Variants in SLC22A3 observed in about 807,000 individuals in gnomAD.
SLC22A3 encodes EMT organic cation transporter 3.
In SLC22A3, 51 loss-of-function variants were observed where a neutral mutation model predicts 59.1. That is an observed-to-expected ratio of 0.86 (90% CI 0.69 to 1.09). The LOEUF (loss-of-function observed/expected upper bound fraction) is 1.09, where lower values mean the gene tolerates loss of function less well. Ranked by LOEUF, SLC22A3 falls within the 50% of genes least tolerant of loss-of-function variation. The probability of loss-of-function intolerance (pLI) is 0.00; values close to 1 mark genes in which losing one functional copy is unlikely to be tolerated. For missense variants in SLC22A3, 711 were observed against 726.3 expected, an observed-to-expected ratio of 0.98 and a Z score of 0.24; for synonymous variants, 325 against 292.0, an observed-to-expected ratio of 1.11 and a Z score of -1.15.
intron 5 of SLC22A3, among the ~76,000 whole-genome samples, chr6:160,422,726 C>A (rs1165377895): frequency 6.6e-6 from 1 of 152,018 alleles, no homozygotes; most frequent in Non-Finnish European, 1.5e-5. Flanking sequence ...GTCCTTTTAT[C>A]CTTTGCGGGA....
intron 1 of SLC22A3, among the ~76,000 whole-genome samples, chr6:160,389,305 C>A (rs749529916): frequency 6.6e-6 from 1 of 152,032 alleles, no homozygotes; most frequent in Non-Finnish European, 1.5e-5. Flanking sequence ...ACTGACTGAT[C>A]CAATCAATGA....
At chr6:160,399,282 T>C (rs894682699) in intron 2 of SLC22A3, among the ~76,000 whole-genome samples, 4 of 152,200 alleles carry the variant, frequency 2.6e-5, no homozygotes, top group African/African-American at 9.6e-5. Context: ...TCATCTTTCC[T>C]TTCCTAATTT....
rs1785001285 is a variant in SLC22A3, at chr6:160,361,157, T to C, written c.429+12309T>C. ...GCCTCATAACTCCATGGGGAGAGGA[T>C]GGATTGTTGGCTAACTGATGTTGAG... On this transcript the variant is annotated intron_variant, in intron 1 of 10. Transcript: ENST00000275300. 3.9e-5 allele frequency among the ~76,000 whole-genome samples: 6 copies of C among 152,166 alleles called. No individual in the cohort carries two copies. In the South Asian group the frequency reaches 1.2e-3, roughly 32 times the overall value.
At chr6:160,374,925 G>A (rs553845935) in intron 1 of SLC22A3, among the ~76,000 whole-genome samples, 28 of 152,360 alleles carry the variant, frequency 1.8e-4, no homozygotes, top group East Asian at 3.9e-4. Context: ...CAGTGCCAGA[G>A]GCTGGGGTAT....
chr6:160,408,705 G>T, intron 3 of SLC22A3, 48 bp from the exon 4 acceptor site: 1 of 1,580,564 alleles, frequency 6.3e-7, no homozygotes, highest in East Asian at 2.2e-5. Context: ...TGTTTATTTT[G>T]GAGCTGACCT....
intron 5 of SLC22A3, among the ~76,000 whole-genome samples, chr6:160,429,998 A>T (rs1276224432): frequency 6.6e-6 from 1 of 152,144 alleles, no homozygotes; most frequent in African/African-American, 2.4e-5. Flanking sequence ...CTCAAATGTT[A>T]TAAAACATAA....
chr6:160,399,979 T>C (rs1253102510), intron 2 of SLC22A3, among the ~76,000 whole-genome samples: 1 of 151,434 alleles, frequency 6.6e-6, no homozygotes, highest in African/African-American at 2.4e-5. Flanking sequence ...CCAGGGTAGA[T>C]AAACATGAAC....
chr6:160,413,898 T>C (rs1175469777), intron 5 of SLC22A3, among the ~76,000 whole-genome samples: 1 of 152,188 alleles, frequency 6.6e-6, no homozygotes, highest in African/African-American at 2.4e-5. Flanking sequence ...GGATTATGAA[T>C]TGTTGATCTC....
intron 1 of SLC22A3, among the ~76,000 whole-genome samples, chr6:160,352,087 C>T (rs1013183941): frequency 6.6e-6 from 1 of 152,242 alleles, no homozygotes; most frequent in Non-Finnish European, 1.5e-5. Context: ...GTCAGCCAGA[C>T]TGGCAGATGG....
intron 1 of SLC22A3, among the ~76,000 whole-genome samples, chr6:160,365,840 G>A (rs913854385): frequency 1.3e-5 from 2 of 152,096 alleles, no homozygotes; most frequent in Admixed American, 6.5e-5. Context: ...TTACGATCAC[G>A]GTGGAAGGGG....
intron 1 of SLC22A3, 138 bp from the exon 2 acceptor site, chr6:160,397,841 A>T (rs977437702): frequency 1.4e-6 from 1 of 717,704 alleles, no homozygotes; most frequent in East Asian, 2.7e-5. Context: ...AAACATACGT[A>T]TGTGATACAT....
rs377259034 is a variant in SLC22A3, at chr6:160,408,740, T to C, written c.689-13T>C. 59 of 1,613,260 alleles carry C rather than the reference T, an allele frequency of 3.7e-5. No individual in the cohort carries two copies. Among genetic ancestry groups the C allele is most frequent in the Non-Finnish European group, 4.9e-5 (58 of 1,179,528 alleles). The stretch of plus-strand genomic sequence containing the variant: ...TTGTGCTTCTGTGACCTCTTGTGTT[T>C]GTTTTCCTTTAGTGACAGAAATAGT... On this transcript the variant is annotated splice_polypyrimidine_tract_variant and intron_variant, in intron 3 of 10. Coordinates refer to ENST00000275300, the MANE Select transcript of SLC22A3 (RefSeq NM_021977.4).
chr6:160,408,673 G>C (rs1787118387), intron 3 of SLC22A3, 80 bp from the exon 4 acceptor site: 1 of 1,341,232 alleles, frequency 7.5e-7, no homozygotes, highest in Non-Finnish European at 1.1e-6. Context: ...GATGTAACAG[G>C]TGTAACATCT....
chr6:160,388,592 G>A (rs12660365), intron 1 of SLC22A3, among the ~76,000 whole-genome samples: 26,744 of 151,986 alleles, frequency 0.18, 2,535 homozygotes, highest in Admixed American at 0.28. Context: ...TACTTTAATT[G>A]CTTATTTTAT....
At chr6:160,374,152 A>G (rs1297967320) in intron 1 of SLC22A3, among the ~76,000 whole-genome samples, 5 of 152,212 alleles carry the variant, frequency 3.3e-5, no homozygotes, top group African/African-American at 1.2e-4. Context: ...ACCCGAGGGA[A>G]TCTCCTGATC....
chr6:160,436,186 G>C (rs962466193), intron 5 of SLC22A3, among the ~76,000 whole-genome samples: 5 of 152,142 alleles, frequency 3.3e-5, no homozygotes, highest in Non-Finnish European at 7.3e-5. Context: ...TGGGGATTGG[G>C]GGGTGTCCTC....
At chr6:160,395,826 G>A (rs1319692899) in intron 1 of SLC22A3, among the ~76,000 whole-genome samples, 1 of 152,170 alleles carries the variant, frequency 6.6e-6, no homozygotes, top group African/African-American at 2.4e-5. Context: ...GTAAAACCAA[G>A]GCAAGAAGTT....
intron 1 of SLC22A3, among the ~76,000 whole-genome samples, chr6:160,355,133 A>C (rs1246804407): frequency 6.6e-6 from 1 of 152,234 alleles, no homozygotes; most frequent in Non-Finnish European, 1.5e-5. Flanking sequence ...ATTGTGTTAC[A>C]CAACTGAGGC....
intron 1 of SLC22A3, among the ~76,000 whole-genome samples, chr6:160,376,624 C>A (rs1003799846): frequency 6.6e-6 from 1 of 152,232 alleles, no homozygotes; most frequent in Admixed American, 6.5e-5. Context: ...CACCTGAACA[C>A]CTGGATGTGT....
Sources: allele counts gnomAD v4.1 joint callset (sites outside exome capture counted in the v4.1 genomes callset), GRCh38; gene constraint gnomAD v4.1.1; transcripts MANE v1.5; gene names NCBI Gene and HGNC (gene_info 2026-07-23, HGNC 2026-07-21).